Variants in MYO1D observed in about 807,000 individuals in gnomAD.
MYO1D encodes myosin ID.
MYO1D carries 83 observed loss-of-function variants against 122.0 expected under a neutral mutation model. That is an observed-to-expected ratio of 0.68 (90% CI 0.57 to 0.82). MYO1D has a LOEUF of 0.82. Among genes scored for constraint, MYO1D ranks in the 40% least tolerant of loss-of-function variants. The pLI is 0.00. For missense variants in MYO1D, 1,157 were observed against 1,269.5 expected (o/e 0.91, Z 1.35); for synonymous variants, 464 against 446.9 (o/e 1.04, Z -0.48).
intron 17 of MYO1D, among the ~76,000 whole-genome samples, chr17:32,655,133 G>GT (rs2088457747): frequency 6.6e-6 from 1 of 152,172 alleles, no homozygotes; most frequent in Non-Finnish European, 1.5e-5. Flanking sequence ...AACTTGCTTT[G>GT]TTGTTTGTGT....
intron 13 of MYO1D, among the ~76,000 whole-genome samples, chr17:32,744,427 T>C (rs1376469951): frequency 6.6e-6 from 1 of 152,242 alleles, no homozygotes; most frequent in African/African-American, 2.4e-5. Flanking sequence ...AGTTGTTTCC[T>C]TGTTTATTAA....
At chr17:32,529,906 G>A (rs1910457772) in intron 21 of MYO1D, 1 of 152,152 alleles carries the variant, frequency 6.6e-6, no homozygotes. Flanking sequence ...CACTGTACCT[G>A]GGCTCCACAA....
intron 21 of MYO1D, among the ~76,000 whole-genome samples, chr17:32,582,911 G>C (rs192058815): frequency 3.8e-4 from 58 of 152,086 alleles, no homozygotes; most frequent in Non-Finnish European, 6.5e-4. Context: ...ACAGATAATT[G>C]TTTTTTAAAA....
chr17:32,645,796 C>T (rs949503017), intron 19 of MYO1D, among the ~76,000 whole-genome samples: 1 of 152,036 alleles, frequency 6.6e-6, no homozygotes, highest in Non-Finnish European at 1.5e-5. Context: ...TTCTAGTTAG[C>T]CATTCATCTA....
At chr17:32,582,603 G>C (rs963314370) in intron 21 of MYO1D, among the ~76,000 whole-genome samples, 4 of 152,166 alleles carry the variant, frequency 2.6e-5, no homozygotes, top group South Asian at 2.1e-4. Context: ...CACTTGAAAA[G>C]AATGTGTATT....
At chr17:32,524,362 G>GCTT (rs1910264766) in intron 21 of MYO1D, among the ~76,000 whole-genome samples, 1 of 152,114 alleles carries the variant, frequency 6.6e-6, no homozygotes, top group East Asian at 1.9e-4. Flanking sequence ...CTCAGGCGTA[G>GCTT]GATGGAAAAA....
At chr17:32,845,535 T>C (rs2090928601) in intron 1 of MYO1D, among the ~76,000 whole-genome samples, 1 of 151,900 alleles carries the variant, frequency 6.6e-6, no homozygotes, top group East Asian at 2.0e-4. Context: ...CAGGGAAGTA[T>C]AATTCCCCCT....
intron 16 of MYO1D, among the ~76,000 whole-genome samples, chr17:32,669,480 G>A (rs2088680263): frequency 6.6e-6 from 1 of 152,162 alleles, no homozygotes; most frequent in African/African-American, 2.4e-5. Context: ...ATAAGACCCT[G>A]AGTCTACCAC....
chr17:32,573,976 CTG>C (rs2087254667), intron 21 of MYO1D, among the ~76,000 whole-genome samples: 2 of 152,318 alleles, frequency 1.3e-5, no homozygotes, highest in South Asian at 2.1e-4. Flanking sequence ...CCTCAGCCTC[CTG>C]CGTAGCTGGG....
intron 16 of MYO1D, among the ~76,000 whole-genome samples, chr17:32,709,448 G>A (rs1234277863): frequency 1.3e-5 from 2 of 152,072 alleles, no homozygotes; most frequent in African/African-American, 4.8e-5. Context: ...CAAGGGTAAG[G>A]ACTCCAGGAC....
intron 19 of MYO1D, among the ~76,000 whole-genome samples, chr17:32,646,709 AC>A (rs1444902959): frequency 6.6e-6 from 1 of 152,204 alleles, no homozygotes; most frequent in Non-Finnish European, 1.5e-5. Flanking sequence ...TGAAAATATT[AC>A]GTTTTTATAT....
Position 32,775,906 on chromosome 17 carries a change from A to C in MYO1D, c.522T>G (p.Gly174=). Reference sequence around the variant, plus strand: ...TATTGATATGCCCACCAATAGGGTCACCCTTGAAGTCAAAGTTGATATCCA... The same window carrying C: ...TATTGATATGCCCACCAATAGGGTCCCCCTTGAAGTCAAAGTTGATATCCA... The part of the protein sequence containing the change: ...KYMDINFDFK[G]DPIGGHINNY... The change falls in exon 4 of 22, where the codon GGT becomes GGG. Residue 174 remains glycine, a synonymous_variant. Coordinates refer to ENST00000318217, the MANE Select transcript of MYO1D (RefSeq NM_015194.3). The C allele has an allele frequency of 1.2e-6, 2 of 1,613,680 alleles. No homozygotes were observed. The highest frequency in any genetic ancestry group is 1.7e-6 in the Non-Finnish European group (2 of 1,179,756).
At chr17:32,616,260 AAGG>A (rs2087767725) in intron 20 of MYO1D, among the ~76,000 whole-genome samples, 1 of 152,174 alleles carries the variant, frequency 6.6e-6, no homozygotes, top group Non-Finnish European at 1.5e-5. Context: ...CTGGTATTAT[AAGG>A]AGATGAGACT....
chr17:32,546,427 C>T (rs1297927655), intron 21 of MYO1D, among the ~76,000 whole-genome samples: 1 of 152,240 alleles, frequency 6.6e-6, no homozygotes, highest in Admixed American at 6.5e-5. Flanking sequence ...ACAGAGCCAT[C>T]ACGACTGTGA....
chr17:32,657,844 G>C (rs1412891799), intron 17 of MYO1D, among the ~76,000 whole-genome samples: 2 of 151,682 alleles, frequency 1.3e-5, no homozygotes, highest in African/African-American at 4.9e-5. Flanking sequence ...TGTATAGGCT[G>C]TAGTGCAATC....
intron 21 of MYO1D, among the ~76,000 whole-genome samples, chr17:32,512,209 C>T (rs1354177323): frequency 3.3e-5 from 5 of 151,370 alleles, no homozygotes; most frequent in East Asian, 1.9e-4. Flanking sequence ...CTGAGGCAGG[C>T]GAATCACTTG....
intron 8 of MYO1D, among the ~76,000 whole-genome samples, chr17:32,763,677 T>G (rs1362727684): frequency 2.0e-5 from 3 of 152,216 alleles, no homozygotes; most frequent in African/African-American, 7.2e-5. Context: ...CCCAGCACTT[T>G]GGGAGGCCAA....
intron 20 of MYO1D, among the ~76,000 whole-genome samples, chr17:32,612,566 G>A (rs1338489042): frequency 6.6e-6 from 1 of 151,114 alleles, no homozygotes; most frequent in Admixed American, 6.6e-5. Flanking sequence ...CGTGCCTGTA[G>A]TCCCAGCTAC....
chr17:32,821,278 G>A (rs547718027), intron 1 of MYO1D, among the ~76,000 whole-genome samples: 5 of 152,212 alleles, frequency 3.3e-5, no homozygotes, highest in African/African-American at 1.2e-4. Context: ...AAGCTGGGGG[G>A]AAAATGATGT....
Sources: allele counts gnomAD v4.1 joint callset (sites outside exome capture counted in the v4.1 genomes callset), GRCh38; gene constraint gnomAD v4.1.1; transcripts MANE v1.5; gene names NCBI Gene and HGNC (gene_info 2026-07-23, HGNC 2026-07-21).